The following DENND1A variants were observed in gnomAD, a reference collection of about 807,000 sequenced individuals.
The protein encoded by DENND1A is DENN domain-containing protein 1A.
DENND1A carries 51 observed loss-of-function variants against 113.7 expected under a neutral mutation model. The observed-to-expected ratio is 0.45, with a 90% CI of 0.36 to 0.57. DENND1A has a LOEUF of 0.57. Ranked by LOEUF, DENND1A falls within the 20% of genes least tolerant of loss-of-function variation. The pLI is 0.00. For missense variants in DENND1A, 1,258 were observed against 1,395.9 expected, an observed-to-expected ratio of 0.90 and a Z score of 1.57; for synonymous variants, 565 against 570.8, an observed-to-expected ratio of 0.99 and a Z score of 0.14.
At chr9:123,571,455 A>G (rs1181926005) in intron 12 of DENND1A, among the ~76,000 whole-genome samples, 1 of 152,254 alleles carries the variant, frequency 6.6e-6, no homozygotes, top group African/African-American at 2.4e-5. Flanking sequence ...CTTGGCAGTC[A>G]GGCCCTGCCT....
intron 2 of DENND1A, among the ~76,000 whole-genome samples, chr9:123,860,003 T>C (rs1361768708): frequency 2.0e-5 from 3 of 152,226 alleles, no homozygotes; most frequent in Non-Finnish European, 4.4e-5. Flanking sequence ...TTTTAAAAGA[T>C]TGCTGAGATG....
chr9:123,907,433 A>T, intron 1 of DENND1A, among the ~76,000 whole-genome samples: 1 of 151,786 alleles, frequency 6.6e-6, no homozygotes, highest in East Asian at 1.9e-4. Flanking sequence ...ACATGATTGT[A>T]TATCTAGAAA....
chr9:123,413,415 C>T, intron 19 of DENND1A: 1 of 985,396 alleles, frequency 1.0e-6, no homozygotes, highest in Non-Finnish European at 1.2e-6. Context: ...TTTTCTTGGA[C>T]AGTGCTGATA....
At chr9:123,488,476 T>G (rs1168654199) in intron 13 of DENND1A, among the ~76,000 whole-genome samples, 1 of 152,190 alleles carries the variant, frequency 6.6e-6, no homozygotes, top group Non-Finnish European at 1.5e-5. Flanking sequence ...TGGACCAGAA[T>G]TGTTTGGTCT....
rs180974319 is a variant in DENND1A at position 123,706,296 on chromosome 9, G to A, written c.303-29507C>T. Among the ~76,000 whole-genome samples the A allele has an allele frequency of 4.1e-3, 624 of 151,866 alleles. 2 individuals are homozygous for A. The highest frequency in any genetic ancestry group is 0.014 in the African/African-American group (590 of 41,434). On this transcript the variant is annotated intron_variant, in intron 5 of 23. Coordinates refer to ENST00000394215, the MANE Select transcript of DENND1A (RefSeq NM_001352964.2). ...CTTCCAAATAGCTGGGATTACAGGC[G>A]TCCGCCACCATGCCCAGCTAATTTT... is the stretch of plus-strand genomic sequence containing the variant.
chr9:123,566,913 C>CCACACACACACA (rs59984497), intron 12 of DENND1A, among the ~76,000 whole-genome samples: 8,082 of 147,374 alleles, frequency 0.055, 239 homozygotes, highest in South Asian at 0.069. Flanking sequence ...CTTTAACACA[C>CCACACACACACA]CACACACACA....
At chr9:123,778,626 C>G (rs1830796816) in intron 3 of DENND1A, among the ~76,000 whole-genome samples, 1 of 152,188 alleles carries the variant, frequency 6.6e-6, no homozygotes, top group Admixed American at 6.5e-5. Flanking sequence ...CTTATGGTCT[C>G]TGTCACATGT....
intron 5 of DENND1A, among the ~76,000 whole-genome samples, chr9:123,714,371 T>C (rs1466965790): frequency 1.3e-5 from 2 of 151,836 alleles, no homozygotes; most frequent in Non-Finnish European, 2.9e-5. Flanking sequence ...AGAGGCTGAG[T>C]TGGGTGGATC....
intron 15 of DENND1A, chr9:123,456,831 A>G (rs1353962053): frequency 6.5e-6 from 1 of 152,924 alleles, no homozygotes; most frequent in Non-Finnish European, 1.5e-5. Context: ...CAACAATAAC[A>G]ACAAAAAAAA....
intron 19 of DENND1A, among the ~76,000 whole-genome samples, chr9:123,427,258 C>A (rs1390964513): frequency 6.6e-6 from 1 of 152,254 alleles, no homozygotes; most frequent in Admixed American, 6.5e-5. Context: ...TGTTAGACCC[C>A]TGAAGTCAGG....
At chr9:123,481,379 G>A (rs527420135) in intron 13 of DENND1A, among the ~76,000 whole-genome samples, 11 of 152,214 alleles carry the variant, frequency 7.2e-5, no homozygotes, top group Non-Finnish European at 1.2e-4. Context: ...AAGCGGGAGC[G>A]GGAGGAAGAA....
intron 1 of DENND1A, among the ~76,000 whole-genome samples, chr9:123,918,620 CCT>C (rs1855670247): frequency 1.3e-5 from 2 of 152,090 alleles, no homozygotes; most frequent in African/African-American, 2.4e-5. Context: ...GTGACACTCC[CCT>C]CTCTCAAAAA....
chr9:123,917,797 G>A (rs921693040), intron 1 of DENND1A, among the ~76,000 whole-genome samples: 1 of 152,000 alleles, frequency 6.6e-6, no homozygotes, highest in Non-Finnish European at 1.5e-5. Context: ...ATACCAAAAG[G>A]CAAGGGAGCT....
intron 20 of DENND1A, among the ~76,000 whole-genome samples, chr9:123,409,223 C>A (rs2044117009): frequency 6.6e-6 from 1 of 152,094 alleles, no homozygotes; most frequent in Non-Finnish European, 1.5e-5. Context: ...CTCTGCCAGA[C>A]CTAACATGGC....
chr9:123,894,722 T>A (rs923883820), intron 1 of DENND1A, among the ~76,000 whole-genome samples: 1 of 152,238 alleles, frequency 6.6e-6, no homozygotes, highest in African/African-American at 2.4e-5. Context: ...GCCTTTCAGA[T>A]ATGAAAATGT....
intron 5 of DENND1A, among the ~76,000 whole-genome samples, chr9:123,722,110 T>G (rs1245406734): frequency 6.6e-6 from 1 of 152,144 alleles, no homozygotes; most frequent in Admixed American, 6.5e-5. Flanking sequence ...CAAAAGGAGA[T>G]GAGGAACCTG....
chr9:123,621,915 A>C (rs1004579306), intron 10 of DENND1A, among the ~76,000 whole-genome samples: 4 of 152,194 alleles, frequency 2.6e-5, no homozygotes, highest in Admixed American at 6.5e-5. Context: ...TCTTTTGTTG[A>C]AAATCCTACA....
rs185485320 is a variant in DENND1A, at chr9:123,463,257, G to A, written c.994-5360C>T. 5.3e-5 allele frequency among the ~76,000 whole-genome samples: 8 copies of A among 152,230 alleles called. No homozygotes were observed. In the East Asian group the frequency reaches 1.3e-3, roughly 26 times the overall value. On this transcript the variant is annotated intron_variant, in intron 13 of 23. Coordinates refer to ENST00000394215, the MANE Select transcript of DENND1A (RefSeq NM_001352964.2). The stretch of plus-strand genomic sequence containing the variant: ...GCTGCTTAACCCTGTCGAGAACTTT[G>A]TTACAAAAAGACAAGTTTTACTCCT...
chr9:123,441,383 C>G (rs955738349), intron 18 of DENND1A, among the ~76,000 whole-genome samples: 1 of 152,156 alleles, frequency 6.6e-6, no homozygotes, highest in Non-Finnish European at 1.5e-5. Flanking sequence ...CTTCTTACCC[C>G]TCATCTTTCT....
Sources: gnomAD v4.1 joint callset for allele counts (sites outside exome capture counted in the v4.1 genomes callset) on GRCh38, gnomAD v4.1.1 for gene constraint, MANE v1.5 for transcripts, NCBI Gene and HGNC (gene_info 2026-07-23, HGNC 2026-07-21) for gene names.